CCDC93: variants seen among roughly 807,000 people sequenced by gnomAD.
CCDC93 encodes coiled-coil domain-containing protein 93.
Under a neutral mutation model 108.2 loss-of-function variants are expected in CCDC93, and 61 were observed. The observed-to-expected ratio is 0.56, with a 90% confidence interval of 0.46 to 0.70. The LOEUF is 0.70. Ranked by LOEUF, CCDC93 falls within the 30% of genes least tolerant of loss-of-function variation. CCDC93 has a pLI of 0.00. For missense variants in CCDC93, 685 were observed against 764.2 expected (o/e 0.90, Z 1.22); for synonymous variants, 276 against 260.4 (o/e 1.06, Z -0.58).
At chr2:118,008,770 C>T (rs1573535730) in intron 1 of CCDC93, 112 bp from the exon 2 acceptor site, 5 of 668,766 alleles carry the variant, frequency 7.5e-6, no homozygotes, top group Non-Finnish European at 1.3e-5. Flanking sequence ...ACATTGGCTA[C>T]ATCACCACAA....
intron 1 of CCDC93, among the ~76,000 whole-genome samples, chr2:118,013,672 G>C (rs1677081587): frequency 6.6e-6 from 1 of 152,038 alleles, no homozygotes; most frequent in South Asian, 2.1e-4. Flanking sequence ...CGCGGCGCGT[G>C]GGGCTGCGTC....
chr2:117,978,303 A>C (rs572039182), intron 7 of CCDC93, among the ~76,000 whole-genome samples: 3 of 152,238 alleles, frequency 2.0e-5, no homozygotes, highest in Non-Finnish European at 2.9e-5. Context: ...TGCAATTATG[A>C]CTTTTTGAAT....
intron 12 of CCDC93, among the ~76,000 whole-genome samples, chr2:117,952,897 T>G (rs1159128338): frequency 6.6e-6 from 1 of 152,152 alleles, no homozygotes; most frequent in African/African-American, 2.4e-5. Context: ...ATAAGACTGG[T>G]TGGCAAATGA....
In CCDC93 at chr2:117,977,941, G is replaced by A. The variant is rs557702703; in HGVS notation, c.657+53C>T. The A allele has an allele frequency of 2.2e-4, 335 of 1,514,512 alleles. 11 individuals carry two copies. In the South Asian group the frequency reaches 3.6e-3, roughly 16 times the overall value. 93.8% of individuals were successfully genotyped at this position (1,514,512 alleles called of 1,614,324 possible). A position where few individuals can be genotyped will look rare whatever the true frequency, so the allele number is the denominator to read the frequency against. On this transcript the variant is annotated intron_variant, in intron 8 of 23. Coordinates refer to ENST00000376300, the MANE Select transcript of CCDC93 (RefSeq NM_019044.5). ...TTGTGAGTGTTAGTCAGAGGTGAAG[G>A]GAGTCACTTCCATCTCTCAAGTATT...
At chr2:117,979,520 G>A (rs916481048) in intron 7 of CCDC93, among the ~76,000 whole-genome samples, 2 of 152,140 alleles carry the variant, frequency 1.3e-5, no homozygotes, top group Non-Finnish European at 2.9e-5. Context: ...TCTCCTGAGG[G>A]CAAAGATTCT....
chr2:117,947,936 C>T (rs919172913), intron 15 of CCDC93, 169 bp downstream of exon 15: 19 of 598,116 alleles, frequency 3.2e-5, no homozygotes, highest in African/African-American at 2.8e-4. Flanking sequence ...CCTCGTGATC[C>T]GCCTGCCTTG....
chr2:117,975,423 C>T (rs774341214), intron 8 of CCDC93, 143 bp from the exon 9 acceptor site: 23 of 632,318 alleles, frequency 3.6e-5, no homozygotes, highest in Non-Finnish European at 5.9e-5. Flanking sequence ...ATACTCCAAA[C>T]GGCTGAACCT....
chr2:117,977,801 C>T (rs1679990182), intron 8 of CCDC93, among the ~76,000 whole-genome samples, 193 bp downstream of exon 8: 1 of 152,322 alleles, frequency 6.6e-6, no homozygotes, highest in South Asian at 2.1e-4. Context: ...CAGGAGGAGA[C>T]TGCTGCTTTG....
chr2:117,974,764 G>A (rs1679876024), intron 10 of CCDC93, 86 bp downstream of exon 10: 6 of 976,680 alleles, frequency 6.1e-6, no homozygotes, highest in Admixed American at 2.0e-5. Context: ...GGCAGCTCCG[G>A]AGAAGGTGGG....
chr2:117,916,217 T>C lies in CCDC93; in HGVS notation c.*4126A>G, dbSNP rs1172575672. The C allele has an allele frequency of 2.0e-5, 3 of 152,226 alleles. No individual in the cohort carries two copies. Among genetic ancestry groups the C allele is most frequent in the Non-Finnish European group, 4.4e-5 (3 of 68,052 alleles). The allele number at this position is 152,226 out of a possible 1,614,324, so 9.4% of individuals were successfully genotyped here. A position where few individuals can be genotyped will look rare whatever the true frequency, so the allele number is the denominator to read the frequency against. ...CTGTGGTCCCACTTCTTGGTTCACA[T>C]GGCTGAGACATTTCTGCCCATCAAG... is the stretch of plus-strand genomic sequence containing the variant. On this transcript the variant is annotated 3_prime_UTR_variant, in exon 24 of 24. Transcript: ENST00000376300.
chr2:117,992,766 T>C (rs1470600453), intron 6 of CCDC93, among the ~76,000 whole-genome samples: 1 of 140,714 alleles, frequency 7.1e-6, no homozygotes, highest in African/African-American at 2.7e-5. Context: ...TTGTGAGGAC[T>C]AGATGAGTTA....
chr2:117,948,290 T>G, intron 14 of CCDC93, 104 bp from the exon 15 acceptor site: 1 of 747,510 alleles, frequency 1.3e-6, no homozygotes, highest in Non-Finnish European at 2.3e-6. Context: ...CCTTTTAATT[T>G]CCTTTCTCAG....
chr2:117,975,355 G>A, intron 8 of CCDC93, 75 bp from the exon 9 acceptor site: 1 of 1,073,194 alleles, frequency 9.3e-7, no homozygotes, highest in Admixed American at 1.9e-5. Flanking sequence ...ACTGACAAGA[G>A]GCATGAGTCT....
chr2:117,948,291 C>T (rs543983540), intron 14 of CCDC93, 105 bp from the exon 15 acceptor site: 3 of 734,236 alleles, frequency 4.1e-6, no homozygotes, highest in Non-Finnish European at 7.0e-6. Flanking sequence ...CTTTTAATTT[C>T]CTTTCTCAGC....
chr2:117,991,007 CA>C (rs1680461177), intron 6 of CCDC93, among the ~76,000 whole-genome samples: 3 of 150,756 alleles, frequency 2.0e-5, no homozygotes, highest in Middle Eastern at 6.8e-3. Context: ...ACTTTGAAAA[CA>C]AAAAATCATG....
chr2:117,992,353 C>T (rs1285495388), intron 6 of CCDC93, among the ~76,000 whole-genome samples: 1 of 152,094 alleles, frequency 6.6e-6, no homozygotes, highest in African/African-American at 2.4e-5. Flanking sequence ...AGGTGATCCT[C>T]CCACCTTAGC....
Position 117,919,705 on chromosome 2 carries a change from G to A in CCDC93, c.*638C>T, listed in dbSNP as rs916054146. On this transcript the variant is annotated 3_prime_UTR_variant, in exon 24 of 24. Coordinates refer to ENST00000376300, the MANE Select transcript of CCDC93 (RefSeq NM_019044.5). ...AAAATTAAAACAACACTGAACTTTCGTTCCAGTTGCTGTCACCACCAAGCC... is the reference window on the plus strand; with the variant it reads ...AAAATTAAAACAACACTGAACTTTCATTCCAGTTGCTGTCACCACCAAGCC... The A allele has an allele frequency of 6.6e-5, 10 of 152,168 alleles. No individual in the cohort carries two copies. Among genetic ancestry groups the A allele is most frequent in the South Asian group, 2.1e-4 (1 of 4,824 alleles). 9.4% of individuals were successfully genotyped at this position (152,168 alleles called of 1,614,324 possible). A position where few individuals can be genotyped will look rare whatever the true frequency, so the allele number is the denominator to read the frequency against.
chr2:117,936,027 T>G (rs535755095), intron 21 of CCDC93, among the ~76,000 whole-genome samples: 14 of 152,096 alleles, frequency 9.2e-5, no homozygotes, highest in African/African-American at 3.1e-4. Context: ...GTTTTTTGTT[T>G]TTTTTTTTAA....
At chr2:117,939,637 A>C (rs1678636060) in intron 19 of CCDC93, among the ~76,000 whole-genome samples, 1 of 152,206 alleles carries the variant, frequency 6.6e-6, no homozygotes. Flanking sequence ...TCTGCTGAAA[A>C]CTGTCACTGC....
Sources: gnomAD v4.1 joint callset for allele counts (sites outside exome capture counted in the v4.1 genomes callset) on GRCh38, gnomAD v4.1.1 for gene constraint, MANE v1.5 for transcripts, NCBI Gene and HGNC (gene_info 2026-07-23, HGNC 2026-07-21) for gene names.